The following ATP2A2 variants were observed in gnomAD, a reference collection of about 807,000 sequenced individuals.
ATP2A2 encodes the protein sarcoplasmic/endoplasmic reticulum calcium ATPase 2.
A neutral mutation model predicts 109.3 loss-of-function variants in ATP2A2; 14 were observed. That is an observed-to-expected ratio of 0.13 (90% CI 0.08 to 0.20). The LOEUF is 0.20. ATP2A2 is among the 10% of genes least tolerant of loss of function. ATP2A2 has a pLI of 1.00. For missense variants in ATP2A2, 657 were observed against 1,321.6 expected (o/e 0.50, Z 7.80); for synonymous variants, 506 against 490.9 (o/e 1.03, Z -0.41).
At position 110,342,522 on chromosome 12, in the gene ATP2A2, T is replaced by G; in HGVS notation, c.2318+74T>G. On this transcript the variant is annotated intron_variant, in intron 15 of 19. Transcript: ENST00000539276. This position sits in a 1 kb window ranked among gnomAD's most constrained non-coding sequence, Gnocchi z 4.6. ...GTCATGGAGCCCAGTTCTCGCAGTT[T>G]GCTCTCCAGATTGCAGCAGCTTTGG... The G allele has an allele frequency of 6.6e-7, 1 of 1,511,454 alleles. No individual in the cohort carries two copies. Among genetic ancestry groups the G allele is most frequent in the Non-Finnish European group, 9.1e-7 (1 of 1,100,962 alleles). The allele number at this position is 1,511,454 out of a possible 1,614,324, so 93.6% of individuals were successfully genotyped here.
chr12:110,281,887 A>G lies in ATP2A2; in HGVS notation c.98A>G (p.Lys33Arg), dbSNP rs1206706374. ...GLSLEQVKKL[K>R]ERWGSNELPA... is the part of the protein sequence containing the mutation. ...AGCCTGGAACAGGTCAAGAAGCTTA[A>G]GGAGAGATGGGGCTCCAACGGTAGG... Residue 33 changes from lysine to arginine, a missense_variant, in exon 1 of 20, where the codon AAG becomes AGG. Lys to Arg is a conservative substitution (Grantham distance 26). Coordinates refer to ENST00000539276, the MANE Select transcript of ATP2A2 (RefSeq NM_170665.4). The G allele has an allele frequency of 1.1e-5, 17 of 1,581,290 alleles. No homozygotes were observed. Among genetic ancestry groups the G allele is most frequent in the Non-Finnish European group, 1.5e-5 (17 of 1,165,658 alleles).
rs1281896353 is a variant in ATP2A2 at position 110,327,865 on chromosome 12, A to G, written c.943A>G (p.Ile315Val). The change falls in exon 8 of 20, where the codon ATC becomes GTC. Residue 315 changes from isoleucine to valine, a missense_variant. Ile to Val is a conservative substitution (Grantham distance 29). This residue lies in a region of ATP2A2 where 136 missense variants were observed against 343.9 expected (regional missense o/e 0.40). Coordinates refer to ENST00000539276, the MANE Select transcript of ATP2A2 (RefSeq NM_170665.4). The surrounding 1 kb of genome is among the most constrained non-coding windows in gnomAD (Gnocchi z 4.4). ...CATTCCTGAAGGTCTGCCTGCAGTCATCACCACCTGCCTGGCTCTTGGAAC... is the reference window on the plus strand; with the variant it reads ...CATTCCTGAAGGTCTGCCTGCAGTCGTCACCACCTGCCTGGCTCTTGGAAC... ...AAIPEGLPAV[I>V]TTCLALGTRR... The G allele has an allele frequency of 6.2e-7, 1 of 1,614,194 alleles. No homozygotes were observed. The highest frequency in any genetic ancestry group is 1.3e-5 in the African/African-American group (1 of 75,048).
chr12:110,318,370 G>T (rs966473085), intron 5 of ATP2A2, among the ~76,000 whole-genome samples: 1 of 152,146 alleles, frequency 6.6e-6, no homozygotes, highest in East Asian at 1.9e-4. Flanking sequence ...CTTAGAGAAG[G>T]CTACTTTTAC....
Sources: gnomAD v4.1 joint callset for allele counts (sites outside exome capture counted in the v4.1 genomes callset) on GRCh38, gnomAD v4.1.1 for gene constraint, gnomAD v4.1.1 regional missense constraint, Gnocchi (gnomAD v3.1) non-coding constraint, MANE v1.5 for transcripts, NCBI Gene and HGNC (gene_info 2026-07-23, HGNC 2026-07-21) for gene names.